TEAD1: variants seen among roughly 807,000 people sequenced by gnomAD.
The protein encoded by TEAD1 is transcriptional enhancer factor TEF-1.
A neutral mutation model predicts 54.9 loss-of-function variants in TEAD1; 9 were observed. The observed-to-expected ratio is 0.16, with a 90% CI of 0.10 to 0.29. TEAD1 has a LOEUF of 0.29. TEAD1 is among the 10% of genes least tolerant of loss of function. TEAD1 has a pLI of 1.00. For synonymous variants in TEAD1, 200 were observed against 187.8 expected, an observed-to-expected ratio of 1.07 and a Z score of -0.53; for missense variants, 387 against 535.9, an observed-to-expected ratio of 0.72 and a Z score of 2.74.
chr11:12,931,765 A>C (rs1404041357), intron 12 of TEAD1, among the ~76,000 whole-genome samples: 1 of 151,192 alleles, frequency 6.6e-6, no homozygotes, highest in Non-Finnish European at 1.5e-5. Context: ...GCCAGCTTCT[A>C]TACACCATTG....
intron 5 of TEAD1, chr11:12,879,434 C>T (rs1029709225): frequency 1.7e-6 from 1 of 601,104 alleles, no homozygotes; most frequent in Non-Finnish European, 3.0e-6. Flanking sequence ...AATACGTTGT[C>T]CACTCTTCTG....
At chr11:12,833,646 C>A (rs2134020938) in intron 3 of TEAD1, among the ~76,000 whole-genome samples, 1 of 152,086 alleles carries the variant, frequency 6.6e-6, no homozygotes, top group Admixed American at 6.5e-5. Context: ...GCGTTGGTTC[C>A]TTTTTTCCTA....
intron 5 of TEAD1, among the ~76,000 whole-genome samples, chr11:12,877,275 C>T (rs1471540343): frequency 6.6e-6 from 1 of 152,172 alleles, no homozygotes; most frequent in Non-Finnish European, 1.5e-5. Flanking sequence ...TACAGATGTT[C>T]ATAATGACCT....
chr11:12,923,481 C>T (rs547773943), intron 10 of TEAD1, among the ~76,000 whole-genome samples: 3 of 152,136 alleles, frequency 2.0e-5, no homozygotes, highest in African/African-American at 7.2e-5. Context: ...GTAAGCCTCA[C>T]GAGAGCAGGC....
chr11:12,882,152 A>G, intron 8 of TEAD1, among the ~76,000 whole-genome samples, 195 bp downstream of exon 8: 1 of 152,118 alleles, frequency 6.6e-6, no homozygotes, highest in East Asian at 1.9e-4. Flanking sequence ...ATCTCCCAAG[A>G]GCTTTTCAGA....
At chr11:12,934,572 TAAAAAA>T (rs544252673) in intron 12 of TEAD1, among the ~76,000 whole-genome samples, 2 of 141,864 alleles carry the variant, frequency 1.4e-5, no homozygotes, top group Admixed American at 7.1e-5. Flanking sequence ...AAGCTAAACT[TAAAAAA>T]AAAAAAGAAT....
chr11:12,904,607 T>C (rs894427859), intron 10 of TEAD1, among the ~76,000 whole-genome samples: 1 of 152,202 alleles, frequency 6.6e-6, no homozygotes, highest in Non-Finnish European at 1.5e-5. Context: ...TCACATAATG[T>C]AAAGCAGCAC....
intron 5 of TEAD1, among the ~76,000 whole-genome samples, chr11:12,866,732 T>C (rs1279780572): frequency 6.6e-6 from 1 of 152,216 alleles, no homozygotes; most frequent in Non-Finnish European, 1.5e-5. Flanking sequence ...TCTTGTAGTT[T>C]CTTCCGTTCT....
chr11:12,923,139 C>G (rs1444506185), intron 10 of TEAD1, among the ~76,000 whole-genome samples: 1 of 151,916 alleles, frequency 6.6e-6, no homozygotes, highest in Non-Finnish European at 1.5e-5. Flanking sequence ...TCAGAGGTGC[C>G]TTTTGGAAGG....
intron 12 of TEAD1, among the ~76,000 whole-genome samples, chr11:12,933,531 C>G (rs1164055968): frequency 6.6e-6 from 1 of 152,024 alleles, no homozygotes. Flanking sequence ...AGTTGTTATA[C>G]TATATTTCTA....
At chr11:12,792,449 T>A (rs1235851004) in intron 3 of TEAD1, among the ~76,000 whole-genome samples, 5 of 152,206 alleles carry the variant, frequency 3.3e-5, no homozygotes, top group Non-Finnish European at 5.9e-5. Flanking sequence ...TTGTTGCTTT[T>A]CTCTTTAGTT....
At chr11:12,793,159 G>A (rs528069259) in intron 3 of TEAD1, among the ~76,000 whole-genome samples, 5 of 151,740 alleles carry the variant, frequency 3.3e-5, no homozygotes, top group South Asian at 2.1e-4. Flanking sequence ...TTATTCAACC[G>A]GTTGCCTATT....
At chr11:12,856,687 T>A (rs1947388947) in intron 3 of TEAD1, among the ~76,000 whole-genome samples, 1 of 152,176 alleles carries the variant, frequency 6.6e-6, no homozygotes. Flanking sequence ...TTCCTTGTTT[T>A]AATATGGAAG....
intron 9 of TEAD1, 61 bp from the exon 10 acceptor site, chr11:12,901,879 G>A: frequency 6.2e-7 from 1 of 1,607,026 alleles, no homozygotes; most frequent in Non-Finnish European, 8.5e-7. Context: ...AGTTCAAGAT[G>A]GATGAGTTCC....
intron 2 of TEAD1, among the ~76,000 whole-genome samples, chr11:12,760,674 C>T (rs192684911): frequency 8.5e-5 from 13 of 152,218 alleles, no homozygotes; most frequent in East Asian, 1.9e-4. Context: ...GATTCAGAAT[C>T]GAGGTAATTT....
At chr11:12,730,977 C>T (rs917172454) in intron 2 of TEAD1, among the ~76,000 whole-genome samples, 5 of 152,110 alleles carry the variant, frequency 3.3e-5, no homozygotes, top group Non-Finnish European at 7.4e-5. Context: ...GCTGGGATTA[C>T]AGGCATGAGC....
chr11:12,845,594 C>T (rs540410725), intron 3 of TEAD1, among the ~76,000 whole-genome samples: 1 of 152,316 alleles, frequency 6.6e-6, no homozygotes, highest in Non-Finnish European at 1.5e-5. Flanking sequence ...ATGGGAACTG[C>T]ACAGCCAGTG....
chr11:12,827,210 A>G (rs542209087), intron 3 of TEAD1, among the ~76,000 whole-genome samples: 1 of 152,310 alleles, frequency 6.6e-6, no homozygotes, highest in East Asian at 1.9e-4. Context: ...TTAGCCCTGA[A>G]CTTACATATC....
chr11:12,930,368 T>C (rs771979057), intron 12 of TEAD1, 42 bp downstream of exon 12: 2 of 1,612,794 alleles, frequency 1.2e-6, no homozygotes, highest in Non-Finnish European at 1.7e-6. Flanking sequence ...GATGCTGCCA[T>C]GAGGCTTGAC....
Sources: allele counts gnomAD v4.1 joint callset (sites outside exome capture counted in the v4.1 genomes callset), GRCh38; gene constraint gnomAD v4.1.1; transcripts MANE v1.5; gene names NCBI Gene and HGNC (gene_info 2026-07-23, HGNC 2026-07-21).